HYKK: variants seen among roughly 807,000 people sequenced by gnomAD.
The protein encoded by HYKK is hydroxylysine kinase.
A neutral mutation model predicts 29.7 loss-of-function variants in HYKK; 19 were observed. The ratio of observed to expected loss-of-function variants is 0.64; its 90% CI spans 0.45 to 0.94. The LOEUF is 0.94. Ranked by LOEUF, HYKK falls within the 40% of genes least tolerant of loss-of-function variation. The pLI, the probability that HYKK is intolerant of heterozygous loss-of-function variation, is 0.00. For synonymous variants in HYKK, 152 were observed against 158.1 expected (o/e 0.96, Z 0.29); for missense variants, 390 against 443.4 (o/e 0.88, Z 1.08).
chr15:78,514,178 G>A (rs976309186), intron 2 of HYKK, among the ~76,000 whole-genome samples: 1 of 151,920 alleles, frequency 6.6e-6, no homozygotes, highest in African/African-American at 2.4e-5. Flanking sequence ...TTGTGGTATA[G>A]TAGAAAGAAT....
At chr15:78,510,709 C>T (rs1389625952) in intron 1 of HYKK, among the ~76,000 whole-genome samples, 1 of 152,148 alleles carries the variant, frequency 6.6e-6, no homozygotes, top group Admixed American at 6.5e-5. Context: ...CTAAGATCCA[C>T]CTCCTCTGTC....
At chr15:78,531,033 T>C (rs2052307056) in intron 4 of HYKK, among the ~76,000 whole-genome samples, 1 of 152,026 alleles carries the variant, frequency 6.6e-6, no homozygotes. Context: ...CACGTAATTT[T>C]TGTATTTTTA....
downstream of HYKK, chr15:78,537,308 AC>A: frequency 1.5e-6 from 1 of 667,056 alleles, no homozygotes; most frequent in South Asian, 1.7e-5. Context: ...AGGACCTAGC[AC>A]CGTGCCAGGC....
rs3053647 is a variant in HYKK at position 78,536,298 on chromosome 15, TACACAC to T, written c.*2656_*2661del. On this transcript the variant is annotated 3_prime_UTR_variant, in exon 5 of 5. Coordinates refer to ENST00000388988, the MANE Select transcript of HYKK (RefSeq NM_001013619.4). ...CCTCTCCCTCCTCTCCTGTCCCTGCTACACACACACACACACACACACACACACACA... is the reference window on the plus strand; with the variant it reads ...CCTCTCCCTCCTCTCCTGTCCCTGCTACACACACACACACACACACACACA... 0.32 allele frequency: 47,424 copies of T among 148,918 alleles called. 7,743 individuals are homozygous for T. The highest frequency in any genetic ancestry group is 0.38 in the Non-Finnish European group (25,778 of 67,096). 9.2% of individuals were successfully genotyped at this position (148,918 alleles called of 1,614,324 possible). A position where few individuals can be genotyped will look rare whatever the true frequency, so the allele number is the denominator to read the frequency against.
chr15:78,527,640 T>C, intron 4 of HYKK, 77 bp downstream of exon 4: 4 of 1,552,040 alleles, frequency 2.6e-6, no homozygotes, highest in Non-Finnish European at 2.6e-6. Context: ...AGTATGGAGG[T>C]ACAATTTAGC....
intron 1 of HYKK, among the ~76,000 whole-genome samples, chr15:78,511,545 T>C (rs533555507): frequency 2.6e-5 from 4 of 151,476 alleles, no homozygotes; most frequent in Non-Finnish European, 5.9e-5. Context: ...CTGGCCAACA[T>C]GGTGAAAGCC....
At chr15:78,527,618 T>C in intron 4 of HYKK, 55 bp downstream of exon 4, 2 of 1,595,114 alleles carry the variant, frequency 1.3e-6, no homozygotes, top group Non-Finnish European at 1.7e-6. Context: ...TCCAATTTCA[T>C]ATCATCAGAA....
chr15:78,527,253 T>A lies in HYKK; in HGVS notation c.478-127T>A, dbSNP rs1345770828. On this transcript the variant is annotated intron_variant, in intron 3 of 4. Coordinates refer to ENST00000388988, the MANE Select transcript of HYKK (RefSeq NM_001013619.4). ...GTGAGTCGAGATCGTGCCACTGCAC[T>A]CCTGCCTGGGCGGCAGAGTAAGACT... is the stretch of plus-strand genomic sequence containing the variant. 1.6e-5 allele frequency: 12 copies of A among 756,396 alleles called. No homozygotes were observed. The East Asian group carries it at 2.7e-4, about 17-fold the overall frequency. The allele number at this position is 756,396 out of a possible 1,614,324, so 46.9% of individuals were successfully genotyped here.
chr15:78,513,196 G>A lies in HYKK; in HGVS notation c.108G>A (p.Lys36=), dbSNP rs1460503838. The A allele has an allele frequency of 1.9e-6, 3 of 1,614,132 alleles. No homozygotes were observed. Among genetic ancestry groups the A allele is most frequent in the Non-Finnish European group, 2.5e-6 (3 of 1,180,002 alleles). ...CAGTGTTTGGGTTGAAAGTTTCCAA[G>A]GTCCGGCCACTTCCTAGCTATGATG... ...VESVFGLKVS[K]VRPLPSYDDQ... The change falls in exon 2 of 5, where the codon AAG becomes AAA. Residue 36 remains lysine, a synonymous_variant. Transcript: ENST00000388988.
chr15:78,519,635 C>T (rs572792324), intron 3 of HYKK, among the ~76,000 whole-genome samples: 11 of 152,144 alleles, frequency 7.2e-5, no homozygotes, highest in Non-Finnish European at 1.6e-4. Context: ...TGGCAGGTGC[C>T]TGTAGTCCCA....
Position 78,533,195 on chromosome 15 carries a change from T to C in HYKK, c.662-15T>C. 4 of 1,486,634 alleles carry C rather than the reference T, an allele frequency of 2.7e-6. No individual in the cohort carries two copies. The highest frequency in any genetic ancestry group is 3.7e-6 in the Non-Finnish European group (4 of 1,073,922). The allele number at this position is 1,486,634 out of a possible 1,614,324, so 92.1% of individuals were successfully genotyped here. A position where few individuals can be genotyped will look rare whatever the true frequency, so the allele number is the denominator to read the frequency against. Reference sequence around the variant, plus strand: ...ATATTCAATAACTGTTTTTACATGATTTTTCTACTTTCAGGTATCAATCAC... The same window carrying C: ...ATATTCAATAACTGTTTTTACATGACTTTTCTACTTTCAGGTATCAATCAC... On this transcript the variant is annotated splice_polypyrimidine_tract_variant and intron_variant, in intron 4 of 4. Coordinates refer to ENST00000388988, the MANE Select transcript of HYKK (RefSeq NM_001013619.4).
At chr15:78,526,648 T>C (rs577109970) in intron 3 of HYKK, among the ~76,000 whole-genome samples, 1 of 152,296 alleles carries the variant, frequency 6.6e-6, no homozygotes, top group Admixed American at 6.5e-5. Context: ...CAGTAGAAGA[T>C]GAAGTCAGAG....
At chr15:78,525,509 A>T (rs1235630218) in intron 3 of HYKK, among the ~76,000 whole-genome samples, 1 of 135,422 alleles carries the variant, frequency 7.4e-6, no homozygotes, top group Admixed American at 7.6e-5. Flanking sequence ...TTATATATAT[A>T]TTTTTTGAGA....
chr15:78,530,076 TCCTC>T (rs1159759972), intron 4 of HYKK, among the ~76,000 whole-genome samples: 1 of 152,094 alleles, frequency 6.6e-6, no homozygotes, highest in African/African-American at 2.4e-5. Context: ...GCTCAAGCGA[TCCTC>T]CCACCTTAGC....
rs1468125595 is a variant in HYKK, at chr15:78,533,395, G to A, written c.847G>A (p.Val283Ile). ...GATTGAGAGCAAGAGTCCTATACAA[G>A]TAGGAGGCCATGTCCTTGCAGGGTT... ...MMIESKSPIQ[V>I]GGHVLAGFES... is the part of the protein sequence containing the mutation. Residue 283 changes from valine (V) to isoleucine (I), a missense_variant, in exon 5 of 5, where the codon GTA becomes ATA. By Grantham distance (29) the Val-to-Ile change is conservative. Coordinates refer to ENST00000388988, the MANE Select transcript of HYKK (RefSeq NM_001013619.4). The A allele has an allele frequency of 1.2e-6, 2 of 1,614,214 alleles. No homozygotes were observed.
At chr15:78,527,220 A>T (rs1316491284) in intron 3 of HYKK, among the ~76,000 whole-genome samples, 160 bp from the exon 4 acceptor site, 2 of 146,006 alleles carry the variant, frequency 1.4e-5, no homozygotes, top group Admixed American at 1.4e-4. Context: ...CAGGAGGTGG[A>T]GGTTGCAGTG....
Position 78,525,452 on chromosome 15 carries a change from A to G in HYKK, c.478-1928A>G, listed in dbSNP as rs556365071. 3.3e-5 allele frequency among the ~76,000 whole-genome samples: 5 copies of G among 151,926 alleles called. No individual in the cohort carries two copies. In the South Asian group the frequency reaches 1.0e-3, roughly 32 times the overall value. ...ATTACAGGCGTGAGCCACCATGCCC[A>G]GCCTAGAGGAACTTTTAAAAGAAAT... is the stretch of plus-strand genomic sequence containing the variant. On this transcript the variant is annotated intron_variant, in intron 3 of 4. Transcript: ENST00000388988.
chr15:78,517,907 G>A (rs1191699536), intron 3 of HYKK, among the ~76,000 whole-genome samples: 1 of 152,116 alleles, frequency 6.6e-6, no homozygotes, highest in Non-Finnish European at 1.5e-5. Context: ...CAGGTGGCTC[G>A]TTCCCCAGTT....
chr15:78,526,029 C>T (rs1005196939), intron 3 of HYKK, among the ~76,000 whole-genome samples: 1 of 152,198 alleles, frequency 6.6e-6, no homozygotes, highest in Non-Finnish European at 1.5e-5. Context: ...TCACAAGATC[C>T]AGGTCCTCCC....
Sources: allele counts gnomAD v4.1 joint callset (sites outside exome capture counted in the v4.1 genomes callset), GRCh38; gene constraint gnomAD v4.1.1; transcripts MANE v1.5; gene names NCBI Gene and HGNC (gene_info 2026-07-23, HGNC 2026-07-21).